The following ERI3 variants were observed in gnomAD, a reference collection of about 807,000 sequenced individuals.
The protein encoded by ERI3 is ERI1 exoribonuclease family member 3.
Under a neutral mutation model 44.4 loss-of-function variants are expected in ERI3, and 18 were observed. That is an observed-to-expected ratio of 0.41 (90% CI 0.28 to 0.60). The LOEUF (loss-of-function observed/expected upper bound fraction) is 0.60, where lower values mean the gene tolerates loss of function less well. Among genes scored for constraint, ERI3 ranks in the 20% least tolerant of loss-of-function variants. The pLI, the probability that ERI3 is intolerant of heterozygous loss-of-function variation, is 0.36. For synonymous variants in ERI3, 183 were observed against 164.8 expected (o/e 1.11, Z -0.84); for missense variants, 294 against 435.5 (o/e 0.68, Z 2.89).
At chr1:44,303,345 T>C (rs2154327033) in intron 6 of ERI3, among the ~76,000 whole-genome samples, 1 of 152,384 alleles carries the variant, frequency 6.6e-6, no homozygotes, top group East Asian at 1.9e-4. Flanking sequence ...TCCTGTACAC[T>C]GGCAATGAAT....
At chr1:44,258,010 A>G (rs970404736) in intron 7 of ERI3, among the ~76,000 whole-genome samples, 3 of 152,132 alleles carry the variant, frequency 2.0e-5, no homozygotes, top group Admixed American at 2.0e-4. Flanking sequence ...ACTATGTCAA[A>G]TGACCCTGTC....
chr1:44,238,155 C>A (rs1251113003), intron 8 of ERI3, among the ~76,000 whole-genome samples: 1 of 152,150 alleles, frequency 6.6e-6, no homozygotes, highest in Non-Finnish European at 1.5e-5. Flanking sequence ...CATGAAAAAT[C>A]CAGCTGAGGA....
intron 8 of ERI3, among the ~76,000 whole-genome samples, chr1:44,246,021 A>G (rs1644548261): frequency 6.6e-6 from 1 of 152,152 alleles, no homozygotes; most frequent in Non-Finnish European, 1.5e-5. Context: ...GTGCAACACA[A>G]ACTGCCTCAT....
chr1:44,317,082 T>C lies in ERI3; in HGVS notation c.606+2546A>G, dbSNP rs114953249. ...AATCCTTCTTCCTACTGTCCAGCAC[T>C]GAGCCTGCTTCTCTCCCCAAGCATG... On this transcript the variant is annotated intron_variant, in intron 4 of 8. Coordinates refer to ENST00000372257, the MANE Select transcript of ERI3 (RefSeq NM_024066.3). Among the ~76,000 whole-genome samples, 1,145 of 152,294 alleles carry C rather than the reference T, an allele frequency of 7.5e-3. 9 individuals are homozygous for C. Among genetic ancestry groups the C allele is most frequent in the African/African-American group, 0.026 (1,060 of 41,564 alleles).
At chr1:44,223,368 G>A (rs1643950424) in intron 8 of ERI3, among the ~76,000 whole-genome samples, 1 of 152,048 alleles carries the variant, frequency 6.6e-6, no homozygotes, top group South Asian at 2.1e-4. Context: ...AGGGGAATGG[G>A]ACCGGAAGGG....
intron 6 of ERI3, among the ~76,000 whole-genome samples, chr1:44,303,961 ACC>A (rs1645779805): frequency 6.6e-6 from 1 of 152,140 alleles, no homozygotes; most frequent in African/African-American, 2.4e-5. Flanking sequence ...AATCTGAGAA[ACC>A]TCTGGGAGGC....
chr1:44,240,343 G>A (rs1644406506), intron 8 of ERI3, among the ~76,000 whole-genome samples: 1 of 152,228 alleles, frequency 6.6e-6, no homozygotes, highest in African/African-American at 2.4e-5. Context: ...GGAGGTTTGA[G>A]TCAGGGTCTG....
chr1:44,254,317 C>T (rs1225435581), intron 7 of ERI3, among the ~76,000 whole-genome samples: 2 of 152,176 alleles, frequency 1.3e-5, no homozygotes, highest in Admixed American at 6.5e-5. Context: ...CTCACAAGGA[C>T]GAATTCCACT....
chr1:44,259,841 C>A (rs1291073233), intron 7 of ERI3, among the ~76,000 whole-genome samples: 1 of 151,812 alleles, frequency 6.6e-6, no homozygotes, highest in Non-Finnish European at 1.5e-5. Flanking sequence ...ATTTGTGCCA[C>A]TGAACTCCAG....
chr1:44,326,779 CT>C (rs1163201623), intron 3 of ERI3, among the ~76,000 whole-genome samples: 1 of 152,180 alleles, frequency 6.6e-6, no homozygotes, highest in Non-Finnish European at 1.5e-5. Flanking sequence ...ACATGTCCCC[CT>C]CTCCCCATCT....
chr1:44,323,352 G>T (rs1466654494), intron 3 of ERI3, among the ~76,000 whole-genome samples: 1 of 152,220 alleles, frequency 6.6e-6, no homozygotes, highest in Non-Finnish European at 1.5e-5. Flanking sequence ...ATACCTTAGT[G>T]GAGGGACGTA....
At chr1:44,223,104 G>C (rs1643942339) in intron 8 of ERI3, among the ~76,000 whole-genome samples, 1 of 152,200 alleles carries the variant, frequency 6.6e-6, no homozygotes, top group Non-Finnish European at 1.5e-5. Context: ...GTGGATGTGG[G>C]CACAGAGAGG....
chr1:44,285,200 T>C (rs1645367402), intron 6 of ERI3, among the ~76,000 whole-genome samples: 1 of 152,216 alleles, frequency 6.6e-6, no homozygotes, highest in African/African-American at 2.4e-5. Context: ...CCTTATATTT[T>C]CACATTTAAT....
intron 4 of ERI3, among the ~76,000 whole-genome samples, chr1:44,316,854 C>T (rs1180934350): frequency 6.6e-6 from 1 of 152,058 alleles, no homozygotes; most frequent in Non-Finnish European, 1.5e-5. Context: ...ACTTGATGAA[C>T]TGGAGCAGAT....
intron 3 of ERI3, among the ~76,000 whole-genome samples, chr1:44,325,455 C>G (rs1646292775): frequency 6.6e-6 from 1 of 152,126 alleles, no homozygotes; most frequent in African/African-American, 2.4e-5. Context: ...AACAGCATTT[C>G]AAATGAAATT....
At chr1:44,257,117 A>AC (rs1271489517) in intron 7 of ERI3, among the ~76,000 whole-genome samples, 1 of 151,746 alleles carries the variant, frequency 6.6e-6, no homozygotes, top group South Asian at 2.1e-4. Flanking sequence ...ATGAAACACC[A>AC]CCCCCGGCTC....
At chr1:44,301,051 G>A (rs1645714984) in intron 6 of ERI3, among the ~76,000 whole-genome samples, 1 of 142,990 alleles carries the variant, frequency 7.0e-6, no homozygotes, top group Non-Finnish European at 1.5e-5. Context: ...CTGTCTGTGG[G>A]TTGGGGATGG....
intron 4 of ERI3, among the ~76,000 whole-genome samples, chr1:44,315,739 T>C (rs1050097459): frequency 2.0e-5 from 3 of 152,360 alleles, no homozygotes; most frequent in East Asian, 3.9e-4. Flanking sequence ...GCTTGAGCAG[T>C]TGGCTCAGCT....
rs1644698754 is a variant in ERI3 at position 44,252,369 on chromosome 1, G to A, written c.832-4331C>T. ...CCCTCTCGTGGCTCTGCCCGCCTTG[G>A]CTGCTGCCCCATTAGCTTAGTGGCC... is the stretch of plus-strand genomic sequence containing the variant. On this transcript the variant is annotated intron_variant, in intron 7 of 8. Transcript: ENST00000372257. This position sits in a 1 kb window ranked among gnomAD's most constrained non-coding sequence, Gnocchi z 4.7. 1.3e-5 allele frequency among the ~76,000 whole-genome samples: 2 copies of A among 152,230 alleles called. No individual in the cohort carries two copies. The highest frequency in any genetic ancestry group is 4.1e-4 in the South Asian group (2 of 4,832).
Sources: allele counts gnomAD v4.1 joint callset (sites outside exome capture counted in the v4.1 genomes callset), GRCh38; gene constraint gnomAD v4.1.1; non-coding constraint Gnocchi (gnomAD v3.1); transcripts MANE v1.5; gene names NCBI Gene and HGNC (gene_info 2026-07-23, HGNC 2026-07-21).